SSR3: variants seen among roughly 807,000 people sequenced by gnomAD.
SSR3 encodes signal sequence receptor subunit 3, also known as translocon-associated protein subunit gamma.
SSR3 carries 10 observed loss-of-function variants against 22.1 expected under a neutral mutation model. The ratio of observed to expected loss-of-function variants is 0.45; its 90% CI spans 0.28 to 0.77. SSR3 has a LOEUF of 0.77. Ranked by LOEUF, SSR3 falls within the 30% of genes least tolerant of loss-of-function variation. The pLI is 0.13. For missense variants in SSR3, 181 were observed against 220.5 expected, an observed-to-expected ratio of 0.82 and a Z score of 1.13; for synonymous variants, 104 against 82.5, an observed-to-expected ratio of 1.26 and a Z score of -1.42.
At chr3:156,543,604 C>T (rs887377779) in intron 4 of SSR3, among the ~76,000 whole-genome samples, 1 of 152,182 alleles carries the variant, frequency 6.6e-6, no homozygotes, top group African/African-American at 2.4e-5. Context: ...TCCTTTTCTT[C>T]CCCTAAGAGC....
At chr3:156,548,864 A>AC in intron 3 of SSR3, 41 bp downstream of exon 3, 2 of 1,593,674 alleles carry the variant, frequency 1.3e-6, no homozygotes, top group Non-Finnish European at 1.7e-6. Context: ...TCTTCAAAGT[A>AC]CCCCCTTTTA....
In SSR3 at chr3:156,541,995, G is replaced by A. The variant is rs1719550752; in HGVS notation, c.*1208C>T. ...TATGAAATTCACATTAAATTTAGAA[G>A]TGGATAGTAAAGATTAGGACTATAT... On this transcript the variant is annotated 3_prime_UTR_variant, in exon 5 of 5. Transcript: ENST00000265044. 6.6e-6 allele frequency: 1 copy of A among 152,216 alleles called. No individual in the cohort carries two copies. Among genetic ancestry groups the A allele is most frequent in the South Asian group, 2.1e-4 (1 of 4,832 alleles). 9.4% of individuals were successfully genotyped at this position (152,216 alleles called of 1,614,324 possible).
Position 156,555,107 on chromosome 3 carries a change from GA to G in SSR3, c.-19del, listed in dbSNP as rs1197295709. 3 of 1,611,496 alleles carry G rather than the reference GA, an allele frequency of 1.9e-6. No individual in the cohort carries two copies. The highest frequency in any genetic ancestry group is 8.5e-7 in the Non-Finnish European group (1 of 1,179,490). The stretch of plus-strand genomic sequence containing the variant: ...GGAGCCATGGCGGAGCTGCAGGCGA[GA>G]ACAGGGAACGTAGAGCCGGCCGCCA... On this transcript the variant is annotated 5_prime_UTR_variant, in exon 1 of 5. Transcript: ENST00000265044.
chr3:156,546,682 G>A (rs1028158034), intron 3 of SSR3, among the ~76,000 whole-genome samples: 1 of 152,152 alleles, frequency 6.6e-6, no homozygotes, highest in African/African-American at 2.4e-5. Flanking sequence ...AACGTGGTTT[G>A]GGAGAGCACT....
intron 2 of SSR3, chr3:156,551,299 T>C (rs1409740060): frequency 2.0e-5 from 3 of 152,094 alleles, no homozygotes; most frequent in African/African-American, 7.2e-5. Context: ...ATGACTTTGA[T>C]TCTAAAGAGA....
At chr3:156,551,360 G>A (rs1323792881) in intron 2 of SSR3, 1 of 152,122 alleles carries the variant, frequency 6.6e-6, no homozygotes, top group Admixed American at 6.5e-5. Context: ...GTCTCAAAGG[G>A]ACTGAGTTCC....
chr3:156,553,947 A>T, intron 1 of SSR3, 166 bp from the exon 2 acceptor site: 1 of 566,420 alleles, frequency 1.8e-6, no homozygotes, highest in Non-Finnish European at 2.9e-6. Context: ...AACCAGTAAC[A>T]GTATAGTCTC....
rs1720104081 is a variant in SSR3, at chr3:156,555,091, G to A, written c.-2C>T. ...TTTGGAGCTGCCTTTAGGAGCCATG[G>A]CGGAGCTGCAGGCGAGAACAGGGAA... On this transcript the variant is annotated 5_prime_UTR_variant, in exon 1 of 5. Coordinates refer to ENST00000265044, the MANE Select transcript of SSR3 (RefSeq NM_007107.5). 1 of 1,613,170 alleles carries A rather than the reference G, an allele frequency of 6.2e-7. No homozygotes were observed. The highest frequency in any genetic ancestry group is 1.3e-5 in the African/African-American group (1 of 74,934).
rs116712060 is a variant in SSR3 at position 156,552,779 on chromosome 3, G to A, written c.260+876C>T. On this transcript the variant is annotated intron_variant, in intron 2 of 4. Transcript: ENST00000265044. ...TTAAACAATTTATACCACTTCCAAT[G>A]AGACAATGAGGACCATGACGCTGAG... 2.0e-3 allele frequency among the ~76,000 whole-genome samples: 297 copies of A among 152,288 alleles called. 1 individual carries two copies. The highest frequency in any genetic ancestry group is 7.0e-3 in the African/African-American group (289 of 41,556).
At position 156,544,380 on chromosome 3, in the gene SSR3, T is replaced by C. The variant is rs376176995; in HGVS notation, c.419A>G (p.Tyr140Cys). 2.9e-5 allele frequency: 47 copies of C among 1,599,166 alleles called. No individual in the cohort carries two copies. The highest frequency in any genetic ancestry group is 3.8e-5 in the Non-Finnish European group (44 of 1,172,944). Residue 140 changes from tyrosine to cysteine, a missense_variant, in exon 4 of 5, where the codon TAT becomes TGT. Tyr to Cys is a radical substitution (Grantham distance 194). Transcript: ENST00000265044. The stretch of plus-strand genomic sequence containing the variant: ...CACGACCAGGAACAGAGTGTTGTTA[T>C]AGAAGATGGAAAATGTTGTAGCTTC... ...DYEATTFSIF[Y>C]NNTLFLVVVI...
intron 1 of SSR3, 120 bp downstream of exon 1, chr3:156,554,837 G>A (rs1720092424): frequency 7.4e-7 from 1 of 1,344,960 alleles, no homozygotes; most frequent in Non-Finnish European, 1.0e-6. Flanking sequence ...CAGGGGAGCT[G>A]GAGAGATTGC....
intron 3 of SSR3, among the ~76,000 whole-genome samples, chr3:156,544,836 A>C (rs1719703951): frequency 6.6e-6 from 1 of 152,224 alleles, no homozygotes; most frequent in South Asian, 2.1e-4. Flanking sequence ...GAGGCTTTCT[A>C]CAGCCTACGG....
intron 2 of SSR3, among the ~76,000 whole-genome samples, chr3:156,549,525 G>A (rs1169052700): frequency 6.6e-6 from 1 of 152,190 alleles, no homozygotes; most frequent in Non-Finnish European, 1.5e-5. Context: ...GTGATGGACA[G>A]AAAGCCCCAG....
At chr3:156,554,671 TC>T in intron 1 of SSR3, 1 of 421,180 alleles carries the variant, frequency 2.4e-6, no homozygotes, top group South Asian at 3.2e-5. Context: ...AAATAGAGAT[TC>T]GGGGCCGCCA....
intron 4 of SSR3, chr3:156,543,845 A>C (rs1719658878): frequency 6.2e-6 from 1 of 160,828 alleles, no homozygotes. Context: ...CATCTTTAAT[A>C]AATTAATAAG....
rs114602129 is a variant in SSR3 at position 156,548,585 on chromosome 3, T to C, written c.359+320A>G. ...CTGTGTTCTTATCATGGATCTACCA[T>C]GTACTAATTCAGGACCCTGGGCAAG... On this transcript the variant is annotated intron_variant, in intron 3 of 4. Coordinates refer to ENST00000265044, the MANE Select transcript of SSR3 (RefSeq NM_007107.5). Among the ~76,000 whole-genome samples, 1,255 of 152,292 alleles carry C rather than the reference T, an allele frequency of 8.2e-3. 16 individuals are homozygous for C. Among genetic ancestry groups the C allele is most frequent in the African/African-American group, 0.029 (1,212 of 41,544 alleles).
chr3:156,548,202 C>T (rs1719828016), intron 3 of SSR3, among the ~76,000 whole-genome samples: 1 of 152,178 alleles, frequency 6.6e-6, no homozygotes, highest in African/African-American at 2.4e-5. Flanking sequence ...TACTCAGGGA[C>T]TTCTGCTACT....
chr3:156,545,926 T>C (rs182485185), intron 3 of SSR3, among the ~76,000 whole-genome samples: 1 of 152,332 alleles, frequency 6.6e-6, no homozygotes, highest in Non-Finnish European at 1.5e-5. Context: ...ACTGCCTCCA[T>C]TTTTAAGACT....
At position 156,555,072 on chromosome 3, in the gene SSR3, G is replaced by T. The variant is rs1355024305; in HGVS notation, c.18C>A (p.Ser6Arg). MAPKG[S>R]SKQQSEEDLL... Reference sequence around the variant, plus strand: ...GGTCCTCCTCAGACTGCTGTTTGGAGCTGCCTTTAGGAGCCATGGCGGAGC... The same window carrying T: ...GGTCCTCCTCAGACTGCTGTTTGGATCTGCCTTTAGGAGCCATGGCGGAGC... Residue 6 changes from serine (S) to arginine (R), a missense_variant, in exon 1 of 5, where the codon AGC becomes AGA. Ser to Arg is a moderately radical substitution (Grantham distance 110, BLOSUM62 -1). Coordinates refer to ENST00000265044, the MANE Select transcript of SSR3 (RefSeq NM_007107.5). The T allele has an allele frequency of 6.2e-6, 10 of 1,613,828 alleles. No individual in the cohort carries two copies. Among genetic ancestry groups the T allele is most frequent in the Non-Finnish European group, 6.8e-6 (8 of 1,179,938 alleles).
Sources: allele counts gnomAD v4.1 joint callset (sites outside exome capture counted in the v4.1 genomes callset), GRCh38; gene constraint gnomAD v4.1.1; transcripts MANE v1.5; gene names NCBI Gene and HGNC (gene_info 2026-07-23, HGNC 2026-07-21).